The following RGS7 variants were observed in gnomAD, a reference collection of about 807,000 sequenced individuals.
RGS7 encodes regulator of G protein signaling 7.
RGS7 carries 27 observed loss-of-function variants against 81.1 expected under a neutral mutation model. The observed-to-expected ratio is 0.33, with a 90% confidence interval of 0.25 to 0.46. RGS7 has a LOEUF of 0.46. Among genes scored for constraint, RGS7 ranks in the 20% least tolerant of loss-of-function variants. RGS7 has a pLI of 1.00. For missense variants in RGS7, 396 were observed against 607.4 expected, an observed-to-expected ratio of 0.65 and a Z score of 3.66; for synonymous variants, 208 against 207.7, an observed-to-expected ratio of 1.00 and a Z score of -0.01.
chr1:241,156,074 A>C (rs1558136787), intron 2 of RGS7, among the ~76,000 whole-genome samples: 2 of 140,256 alleles, frequency 1.4e-5, no homozygotes, highest in African/African-American at 5.8e-5. Flanking sequence ...AAATTTACAC[A>C]CGCACGCACA....
intron 6 of RGS7, among the ~76,000 whole-genome samples, chr1:240,898,142 T>G (rs1228669940): frequency 6.6e-6 from 1 of 152,216 alleles, no homozygotes; most frequent in Non-Finnish European, 1.5e-5. Context: ...CCTTTATCAT[T>G]TTTTATTGCA....
chr1:240,819,653 A>AC (rs1174892796), intron 10 of RGS7, among the ~76,000 whole-genome samples: 3 of 152,178 alleles, frequency 2.0e-5, no homozygotes, highest in African/African-American at 7.2e-5. Context: ...CAGGAGAATC[A>AC]CGTGGACCCA....
intron 3 of RGS7, among the ~76,000 whole-genome samples, chr1:241,073,122 T>C (rs527971844): frequency 6.6e-6 from 1 of 152,332 alleles, no homozygotes; most frequent in African/African-American, 2.4e-5. Context: ...TGTAGCTCTA[T>C]CCTTTCTGCT....
chr1:241,024,320 A>G (rs1022131017), intron 3 of RGS7, among the ~76,000 whole-genome samples: 1 of 152,196 alleles, frequency 6.6e-6, no homozygotes, highest in East Asian at 1.9e-4. Flanking sequence ...TCTATTTTGG[A>G]TCCAGGCAAT....
At chr1:240,856,562 G>T (rs992847937) in intron 9 of RGS7, among the ~76,000 whole-genome samples, 3 of 152,070 alleles carry the variant, frequency 2.0e-5, no homozygotes, top group East Asian at 3.9e-4. Flanking sequence ...TGTATGAATA[G>T]TATAGTTAGA....
chr1:240,869,666 G>A (rs965748750), intron 7 of RGS7, among the ~76,000 whole-genome samples: 12 of 152,280 alleles, frequency 7.9e-5, no homozygotes, highest in East Asian at 5.8e-4. Context: ...GAGGCTGGGC[G>A]TGGTGGCTCG....
At chr1:241,222,405 T>A (rs940562212) in intron 2 of RGS7, among the ~76,000 whole-genome samples, 2 of 152,182 alleles carry the variant, frequency 1.3e-5, no homozygotes, top group African/African-American at 4.8e-5. Context: ...TCTCTCCAGG[T>A]GATTCTAATA....
chr1:240,987,529 C>CTT (rs541070675), intron 3 of RGS7, among the ~76,000 whole-genome samples: 2 of 140,872 alleles, frequency 1.4e-5, no homozygotes, highest in Admixed American at 7.1e-5. Context: ...AACTATTCTT[C>CTT]TTTTTTTTTT....
intron 2 of RGS7, among the ~76,000 whole-genome samples, chr1:241,309,549 G>A (rs530548149): frequency 2.0e-5 from 3 of 152,258 alleles, no homozygotes; most frequent in African/African-American, 7.2e-5. Flanking sequence ...GTGGCATCTG[G>A]TGTTAAGATT....
At chr1:240,812,110 T>G in intron 13 of RGS7, 67 bp from the exon 14 acceptor site, 1 of 1,573,474 alleles carries the variant, frequency 6.4e-7, no homozygotes, top group South Asian at 1.1e-5. Context: ...TGTTATTACA[T>G]TCCCCTTCAA....
At chr1:240,873,681 C>T (rs1034602017) in intron 6 of RGS7, among the ~76,000 whole-genome samples, 1 of 152,068 alleles carries the variant, frequency 6.6e-6, no homozygotes, top group South Asian at 2.1e-4. Context: ...AACACTGATG[C>T]CCATGACAAA....
At chr1:241,326,322 T>C (rs1331840618) in intron 2 of RGS7, among the ~76,000 whole-genome samples, 6 of 152,314 alleles carry the variant, frequency 3.9e-5, no homozygotes, top group South Asian at 2.1e-4. Context: ...CCAGAAAGAA[T>C]TGGATAAACC....
At chr1:240,916,615 C>A (rs1406451614) in intron 6 of RGS7, among the ~76,000 whole-genome samples, 1 of 152,080 alleles carries the variant, frequency 6.6e-6, no homozygotes, top group Non-Finnish European at 1.5e-5. Context: ...AGGTCCCAAT[C>A]CAATATGACT....
chr1:241,135,971 A>C lies in RGS7; in HGVS notation c.79-37209T>G, dbSNP rs185699130. 4.4e-3 allele frequency among the ~76,000 whole-genome samples: 666 copies of C among 152,170 alleles called. 4 individuals are homozygous for C. The highest frequency in any genetic ancestry group is 0.014 in the Middle Eastern group (4 of 294). Reference sequence around the variant, plus strand: ...TTACATGATAATGACAAAAAAAAAAAAAAAACTAGTTTGTTATTCTAAGAA... The same window carrying C: ...TTACATGATAATGACAAAAAAAAAACAAAAACTAGTTTGTTATTCTAAGAA... On this transcript the variant is annotated intron_variant, in intron 2 of 18. Coordinates refer to ENST00000440928, the MANE Select transcript of RGS7 (RefSeq NM_001364886.1).
At chr1:240,937,724 T>C (rs1045402326) in intron 4 of RGS7, among the ~76,000 whole-genome samples, 3 of 152,318 alleles carry the variant, frequency 2.0e-5, no homozygotes, top group African/African-American at 7.2e-5. Flanking sequence ...ATCAGTAATG[T>C]TTCTAATGAT....
intron 18 of RGS7, among the ~76,000 whole-genome samples, chr1:240,791,039 T>G (rs1685906615): frequency 6.6e-6 from 1 of 152,204 alleles, no homozygotes; most frequent in African/African-American, 2.4e-5. Flanking sequence ...ATTTGGCTGA[T>G]GAAATAGATG....
intron 2 of RGS7, among the ~76,000 whole-genome samples, chr1:241,278,376 G>GT (rs1176734981): frequency 6.6e-6 from 1 of 152,112 alleles, no homozygotes; most frequent in Non-Finnish European, 1.5e-5. Context: ...ATTTATTTTT[G>GT]TTTTTTCTAA....
At chr1:240,832,521 G>A (rs1466199384) in intron 9 of RGS7, among the ~76,000 whole-genome samples, 2 of 152,212 alleles carry the variant, frequency 1.3e-5, no homozygotes, top group Non-Finnish European at 2.9e-5. Context: ...AGGTGCAAAA[G>A]AGAAGCTGGA....
intron 4 of RGS7, among the ~76,000 whole-genome samples, chr1:240,967,971 G>A (rs189973383): frequency 6.6e-6 from 1 of 152,226 alleles, no homozygotes; most frequent in South Asian, 2.1e-4. Flanking sequence ...CCCTAGGCAG[G>A]GGCTGCTGAA....
Sources: allele counts gnomAD v4.1 joint callset (sites outside exome capture counted in the v4.1 genomes callset), GRCh38; gene constraint gnomAD v4.1.1; transcripts MANE v1.5; gene names NCBI Gene and HGNC (gene_info 2026-07-23, HGNC 2026-07-21).